Variants in DMD observed in about 807,000 individuals in gnomAD.
DMD encodes dystrophin, also known as mutant dystrophin.
Under a neutral mutation model 330.1 loss-of-function variants are expected in DMD, and 63 were observed. The ratio of observed to expected loss-of-function variants is 0.19; its 90% CI spans 0.16 to 0.24. The LOEUF is 0.24. DMD is among the 10% of genes least tolerant of loss of function. DMD has a pLI of 1.00. For missense variants in DMD, 3,344 were observed against 2,684.1 expected, an observed-to-expected ratio of 1.25 and a Z score of -5.43; for synonymous variants, 1,223 against 959.8, an observed-to-expected ratio of 1.27 and a Z score of -5.07.
In DMD at chrX:32,928,160, G is replaced by T. The variant is rs12687260; in HGVS notation, c.94-78340C>A. 1.7e-3 allele frequency among the ~76,000 whole-genome samples: 187 copies of T among 110,064 alleles called. 2 individuals are homozygous for T. In the East Asian group the frequency reaches 0.05, roughly 30 times the overall value. ...AAATGCTGGCATGTTTTTTAGTCTC[G>T]CATTTCATGAAATGACTTTATTCGA... On this transcript the variant is annotated intron_variant, in intron 2 of 78. Coordinates refer to ENST00000357033, the MANE Select transcript of DMD (RefSeq NM_004006.3).
Position 32,635,232 on chromosome X carries a change from G to T in DMD, c.1331+8900C>A, listed in dbSNP as rs73467312. On this transcript the variant is annotated intron_variant, in intron 11 of 78. Transcript: ENST00000357033. ...TGCTGCCATGGATGAGGGAGAGCTG[G>T]TATAGGTGATAGAATATTGCCTTTA... is the stretch of plus-strand genomic sequence containing the variant. Among the ~76,000 whole-genome samples the T allele has an allele frequency of 7.8e-3, 866 of 111,481 alleles. 15 individuals are homozygous for T. Among genetic ancestry groups the T allele is most frequent in the African/African-American group, 0.026 (810 of 30,615 alleles).
intron 42 of DMD, among the ~76,000 whole-genome samples, chrX:32,302,784 C>A (rs370681651): frequency 9.0e-6 from 1 of 110,940 alleles, no homozygotes; most frequent in African/African-American, 3.3e-5. Context: ...CCTACACAGT[C>A]GTACATGATT....
At chrX:32,627,741 A>G (rs1191353691) in intron 11 of DMD, among the ~76,000 whole-genome samples, 1 of 111,436 alleles carries the variant, frequency 9.0e-6, no homozygotes, top group Non-Finnish European at 1.9e-5. Context: ...TTAAAAAAAT[A>G]GAAAACAGAA....
intron 4 of DMD, among the ~76,000 whole-genome samples, chrX:32,844,014 G>C (rs1265941168): frequency 8.9e-6 from 1 of 112,320 alleles, no homozygotes; most frequent in Non-Finnish European, 1.9e-5. Context: ...ATAAGTGTTG[G>C]CTTGATTTAA....
At chrX:32,313,562 C>A (rs2097572221) in intron 41 of DMD, among the ~76,000 whole-genome samples, 1 of 110,899 alleles carries the variant, frequency 9.0e-6, no homozygotes, top group South Asian at 3.8e-4. Context: ...GGCAATCAGG[C>A]AAGAGAAAGA....
intron 62 of DMD, among the ~76,000 whole-genome samples, chrX:31,318,338 G>A (rs1162145750): frequency 1.8e-5 from 2 of 111,903 alleles, no homozygotes; most frequent in Non-Finnish European, 3.8e-5. Flanking sequence ...TCCAGGCAGA[G>A]AGTCAAATAC....
intron 6 of DMD, among the ~76,000 whole-genome samples, chrX:32,813,487 A>G (rs2077512826): frequency 8.9e-6 from 1 of 112,032 alleles, no homozygotes; most frequent in South Asian, 3.6e-4. Context: ...TATTTGTGAG[A>G]TGGGTAAAAT....
At chrX:31,163,517 G>A (rs929992611) in intron 74 of DMD, among the ~76,000 whole-genome samples, 2 of 111,865 alleles carry the variant, frequency 1.8e-5, no homozygotes, top group Non-Finnish European at 3.8e-5. Flanking sequence ...CATATACCAC[G>A]CTTTCCTCTC....
chrX:32,830,568 T>A (rs1480482129), intron 4 of DMD, among the ~76,000 whole-genome samples: 1 of 111,257 alleles, frequency 9.0e-6, no homozygotes, highest in East Asian at 2.8e-4. Flanking sequence ...TTTCCTGTTT[T>A]GCACAATGAA....
chrX:32,107,391 T>C (rs2075023050), intron 44 of DMD, among the ~76,000 whole-genome samples: 1 of 106,332 alleles, frequency 9.4e-6, no homozygotes, highest in Non-Finnish European at 1.9e-5. Flanking sequence ...TGTGTTTGTA[T>C]GTGGTAAGAA....
chrX:31,815,131 C>T (rs981031785), intron 50 of DMD, among the ~76,000 whole-genome samples: 1 of 112,157 alleles, frequency 8.9e-6, no homozygotes, highest in African/African-American at 3.2e-5. Flanking sequence ...AGGCCAGCAT[C>T]AGCATAACCT....
At chrX:31,326,681 T>C (rs1322595293) in intron 61 of DMD, among the ~76,000 whole-genome samples, 2 of 110,931 alleles carry the variant, frequency 1.8e-5, no homozygotes, top group African/African-American at 3.3e-5. Context: ...CTGGAACTAC[T>C]TGCTTTAGAA....
chrX:31,873,829 A>G (rs763734524), intron 48 of DMD, among the ~76,000 whole-genome samples: 16 of 111,664 alleles, frequency 1.4e-4, no homozygotes, highest in South Asian at 3.7e-4. Flanking sequence ...GATTGTCTGA[A>G]GCCTTACGCT....
At chrX:31,819,900 A>G (rs2092715924) in intron 50 of DMD, 75 bp downstream of exon 50, 1 of 829,349 alleles carries the variant, frequency 1.2e-6, no homozygotes, top group South Asian at 2.1e-5. Flanking sequence ...TTTCTCTCTC[A>G]CCCAGTCATC....
intron 2 of DMD, among the ~76,000 whole-genome samples, chrX:32,886,221 G>T (rs1362997748): frequency 9.2e-6 from 1 of 108,891 alleles, no homozygotes; most frequent in Non-Finnish European, 1.9e-5. Flanking sequence ...GCAGGATTTT[G>T]GTTATACCAA....
At chrX:32,005,296 A>G (rs932368234) in intron 44 of DMD, among the ~76,000 whole-genome samples, 1 of 111,514 alleles carries the variant, frequency 9.0e-6, no homozygotes, top group Admixed American at 9.6e-5. Context: ...TTTTTATAGG[A>G]CACCCTTTAT....
intron 46 of DMD, among the ~76,000 whole-genome samples, chrX:31,931,391 G>A (rs1468560706): frequency 9.0e-6 from 1 of 110,571 alleles, no homozygotes; most frequent in Non-Finnish European, 1.9e-5. Context: ...GAAGTAATCA[G>A]TAATAAGCAG....
At chrX:33,037,994 G>A (rs754412563) in intron 1 of DMD, among the ~76,000 whole-genome samples, 8 of 112,168 alleles carry the variant, frequency 7.1e-5, no homozygotes, top group African/African-American at 2.6e-4. Flanking sequence ...TTTAAAGACA[G>A]TCTCCCTTTA....
chrX:31,260,942 G>A lies in DMD; in HGVS notation c.9286+13C>T, dbSNP rs199982967. 2.3e-5 allele frequency: 28 copies of A among 1,204,376 alleles called. No individual in the cohort carries two copies. The Admixed American group carries it at 6.1e-4, about 26-fold the overall frequency. The stretch of plus-strand genomic sequence containing the variant: ...TGTCATTTAACTTGGAGGAAACATG[G>A]CCATGTCCTTACCTAAAGACTGGTA... On this transcript the variant is annotated intron_variant, in intron 63 of 78. Transcript: ENST00000357033.
Sources: gnomAD v4.1 joint callset for allele counts (sites outside exome capture counted in the v4.1 genomes callset) on GRCh38, gnomAD v4.1.1 for gene constraint, MANE v1.5 for transcripts, NCBI Gene and HGNC (gene_info 2026-07-23, HGNC 2026-07-21) for gene names.